Variants in MGST2 observed in about 807,000 individuals in gnomAD.
MGST2 encodes the protein microsomal glutathione S-transferase 2, also known as glutathione peroxidase MGST2.
A neutral mutation model predicts 16.6 loss-of-function variants in MGST2; 9 were observed. That is an observed-to-expected ratio of 0.54 (90% CI 0.33 to 0.95). The LOEUF (loss-of-function observed/expected upper bound fraction) is 0.95, where lower values mean the gene tolerates loss of function less well. MGST2 is among the 40% of genes least tolerant of loss of function. MGST2 has a pLI of 0.03. For synonymous variants in MGST2, 79 were observed against 68.0 expected (o/e 1.16, Z -0.79); for missense variants, 159 against 175.1 (o/e 0.91, Z 0.52).
chr4:139,698,708 T>C (rs945621890), intron 3 of MGST2, among the ~76,000 whole-genome samples: 2 of 152,244 alleles, frequency 1.3e-5, no homozygotes, highest in African/African-American at 2.4e-5. Context: ...AAAAGACATT[T>C]TGGAAAAAGT....
chr4:139,703,724 A>C (rs1057136594), intron 4 of MGST2, among the ~76,000 whole-genome samples, 188 bp downstream of exon 4: 1 of 152,210 alleles, frequency 6.6e-6, no homozygotes, highest in African/African-American at 2.4e-5. Flanking sequence ...GCAAGTATAA[A>C]ACTGTGCACT....
intron 1 of MGST2, among the ~76,000 whole-genome samples, chr4:139,667,772 C>T (rs965282804): frequency 5.3e-5 from 8 of 151,940 alleles, no homozygotes; most frequent in Admixed American, 1.3e-4. Flanking sequence ...GCAGGAGAAT[C>T]GCTTGAACCT....
chr4:139,732,093 G>A (rs1728748541), intron 5 of MGST2, among the ~76,000 whole-genome samples: 1 of 152,210 alleles, frequency 6.6e-6, no homozygotes, highest in African/African-American at 2.4e-5. Context: ...GCACTATTAT[G>A]AGACCTAAAT....
chr4:139,679,622 G>T (rs181406388), intron 2 of MGST2, among the ~76,000 whole-genome samples: 3 of 152,152 alleles, frequency 2.0e-5, no homozygotes, highest in Non-Finnish European at 4.4e-5. Context: ...AATCAATTTT[G>T]GTAGGCCTTG....
chr4:139,725,691 A>T (rs1560770326), intron 5 of MGST2: 1 of 1,507,328 alleles, frequency 6.6e-7, no homozygotes, highest in Non-Finnish European at 9.2e-7. Flanking sequence ...CTCTGGCTAC[A>T]CATTCACTTA....
chr4:139,666,116 GC>G (rs762779502), intron 1 of MGST2, 39 bp downstream of exon 1: 164 of 1,428,780 alleles, frequency 1.1e-4, no homozygotes, highest in Middle Eastern at 1.9e-4. Flanking sequence ...GCGCGTGTGT[GC>G]GTGTGTGTGT....
chr4:139,726,453 G>A (rs1160029893), intron 5 of MGST2, among the ~76,000 whole-genome samples: 1 of 152,150 alleles, frequency 6.6e-6, no homozygotes, highest in African/African-American at 2.4e-5. Flanking sequence ...TGGACTTGCT[G>A]GCTCATGAGG....
intron 1 of MGST2, among the ~76,000 whole-genome samples, chr4:139,677,830 G>A (rs1331057538): frequency 2.6e-5 from 4 of 152,134 alleles, no homozygotes; most frequent in Admixed American, 6.5e-5. Context: ...TCAGATATGC[G>A]TTTGTCTCAG....
At chr4:139,714,486 G>A (rs1439060422) in intron 5 of MGST2, among the ~76,000 whole-genome samples, 7 of 152,166 alleles carry the variant, frequency 4.6e-5, no homozygotes, top group African/African-American at 1.7e-4. Flanking sequence ...TGCCTTTGGG[G>A]GCCAAGCCGC....
chr4:139,679,002 T>TTTTTTCCTCCCTACTTCAAAAC, intron 2 of MGST2: 1 of 272,168 alleles, frequency 3.7e-6, no homozygotes, highest in Non-Finnish European at 7.0e-6. Flanking sequence ...TTCTATCTTA[T>TTTTTTCCTCCCTACTTCAAAAC]TTTTTCCTCC....
chr4:139,702,922 T>TTTTA (rs1268113063), intron 3 of MGST2, among the ~76,000 whole-genome samples: 1 of 148,370 alleles, frequency 6.7e-6, no homozygotes, highest in Non-Finnish European at 1.5e-5. Context: ...CATTATAGTT[T>TTTTA]TTTATTTATT....
At chr4:139,713,284 A>G (rs921317402) in intron 5 of MGST2, among the ~76,000 whole-genome samples, 58 of 152,282 alleles carry the variant, frequency 3.8e-4, no homozygotes, top group Non-Finnish European at 4.4e-4. Flanking sequence ...TTTGATTTTG[A>G]GAGGGATCCA....
downstream of MGST2, among the ~76,000 whole-genome samples, chr4:139,743,181 C>G (rs776766581): frequency 6.6e-6 from 1 of 152,230 alleles, no homozygotes; most frequent in African/African-American, 2.4e-5. Flanking sequence ...TAAAGTTACA[C>G]GCCTCCTTTA....
rs566848668 is a variant in MGST2 at position 139,703,448 on chromosome 4, C to A, written c.230-7C>A. On this transcript the variant is annotated splice_polypyrimidine_tract_variant and splice_region_variant and intron_variant, in intron 3 of 4. Transcript: ENST00000265498. Reference sequence around the variant, plus strand: ...GCCTTTTCTTTTTTTTTCCCACCCCCCTATAGTTTTTGCTACTTGTCTGGG... The same window carrying A: ...GCCTTTTCTTTTTTTTTCCCACCCCACTATAGTTTTTGCTACTTGTCTGGG... The A allele has an allele frequency of 6.2e-7, 1 of 1,612,976 alleles. No homozygotes were observed.
rs536300461 is a variant in MGST2 at position 139,689,467 on chromosome 4, C to T, written c.159-5730C>T. ...AGATTAACTCCAGCAACCTCTCATC[C>T]CCAAGCCTTTTCTGAGCATATTAAC... On this transcript the variant is annotated intron_variant, in intron 2 of 4. Coordinates refer to ENST00000265498, the MANE Select transcript of MGST2 (RefSeq NM_002413.5). Among the ~76,000 whole-genome samples the T allele has an allele frequency of 4.6e-5, 7 of 152,272 alleles. No individual in the cohort carries two copies. In the South Asian group the frequency reaches 1.0e-3, roughly 23 times the overall value.
chr4:139,669,048 A>G (rs1169442870), intron 1 of MGST2, among the ~76,000 whole-genome samples: 1 of 152,170 alleles, frequency 6.6e-6, no homozygotes, highest in Non-Finnish European at 1.5e-5. Flanking sequence ...TTGGACTAAC[A>G]TTAAGGTCTG....
Position 139,666,113 on chromosome 4 carries a change from T to C in MGST2, c.58+36T>C, listed in dbSNP as rs755244959. ...TGGGAAGTTCGTGTGTGTGCGCGTG[T>C]GTGCGTGTGTGTGTGTGTGTGACAA... On this transcript the variant is annotated intron_variant, in intron 1 of 4. Coordinates refer to ENST00000265498, the MANE Select transcript of MGST2 (RefSeq NM_002413.5). 1.5e-4 allele frequency: 210 copies of C among 1,361,162 alleles called. 1 individual carries two copies. In the African/African-American group the frequency reaches 5.4e-3, roughly 35 times the overall value. 84.3% of individuals were successfully genotyped at this position (1,361,162 alleles called of 1,614,324 possible).
At chr4:139,754,392 C>T in the MGST2 span, among the ~76,000 whole-genome samples, 1 of 152,168 alleles carries the variant, frequency 6.6e-6, no homozygotes, top group Non-Finnish European at 1.5e-5. Context: ...AAATGATAGT[C>T]ACTCAATGTA....
intron 2 of MGST2, chr4:139,685,124 T>C (rs1329472370): frequency 6.6e-6 from 1 of 152,286 alleles, no homozygotes; most frequent in Non-Finnish European, 1.5e-5. Flanking sequence ...ACTCTACCAG[T>C]CCAGCCACTG....
Sources: gnomAD v4.1 joint callset for allele counts (sites outside exome capture counted in the v4.1 genomes callset) on GRCh38, gnomAD v4.1.1 for gene constraint, MANE v1.5 for transcripts, NCBI Gene and HGNC (gene_info 2026-07-23, HGNC 2026-07-21) for gene names.